PTPRT: variants seen among roughly 807,000 people sequenced by gnomAD.
PTPRT encodes the protein protein tyrosine phosphatase receptor type T, also known as receptor-type tyrosine-protein phosphatase T.
Under a neutral mutation model 176.8 loss-of-function variants are expected in PTPRT, and 56 were observed. That is an observed-to-expected ratio of 0.32 (90% CI 0.26 to 0.40). The LOEUF (loss-of-function observed/expected upper bound fraction) is 0.40. PTPRT is among the 10% of genes least tolerant of loss of function. The pLI is 1.00. For synonymous variants in PTPRT, 783 were observed against 739.0 expected (o/e 1.06, Z -0.96); for missense variants, 1,540 against 1,908.2 (o/e 0.81, Z 3.60).
intron 6 of PTPRT, among the ~76,000 whole-genome samples, chr20:42,706,179 TTGTGTGTGTGTGTG>T (rs369232610): frequency 1.1e-4 from 13 of 123,552 alleles, no homozygotes; most frequent in East Asian, 7.2e-4. Context: ...CTCTCTCTGT[TTGTGTGTGTGTGTG>T]TGTGTGTGTG....
At chr20:42,871,425 C>T (rs1428782712) in intron 2 of PTPRT, among the ~76,000 whole-genome samples, 1 of 152,016 alleles carries the variant, frequency 6.6e-6, no homozygotes, top group African/African-American at 2.4e-5. Flanking sequence ...TATTTTCTCC[C>T]ATTCCACAGG....
intron 9 of PTPRT, among the ~76,000 whole-genome samples, chr20:42,433,263 T>C (rs1476469049): frequency 6.6e-6 from 1 of 152,050 alleles, no homozygotes; most frequent in Non-Finnish European, 1.5e-5. Context: ...GTGAAAAGGA[T>C]TGGAAACTGC....
At chr20:42,383,595 G>T (rs1178176249) in intron 9 of PTPRT, among the ~76,000 whole-genome samples, 2 of 152,114 alleles carry the variant, frequency 1.3e-5, no homozygotes, top group African/African-American at 4.8e-5. Context: ...TTGATAAGTG[G>T]TAAGAACCCA....
At chr20:43,180,511 A>G (rs1292214068) in intron 1 of PTPRT, among the ~76,000 whole-genome samples, 1 of 151,556 alleles carries the variant, frequency 6.6e-6, no homozygotes, top group Non-Finnish European at 1.5e-5. Flanking sequence ...TCTCCCGGGC[A>G]GGAGTGCAAT....
chr20:42,428,240 C>T (rs987851458), intron 9 of PTPRT, among the ~76,000 whole-genome samples: 1 of 152,206 alleles, frequency 6.6e-6, no homozygotes, highest in Non-Finnish European at 1.5e-5. Flanking sequence ...GAAATGCTAC[C>T]TTGACCATAC....
Position 42,802,957 on chromosome 20 carries a change from A to G in PTPRT, c.215-11491T>C, listed in dbSNP as rs1415644197. On this transcript the variant is annotated intron_variant, in intron 2 of 30. Transcript: ENST00000373187. ...TGTTACGTGAATTAAATGTGTCTGT[A>G]TGTTACACGCTTAGAATAGTACCTG... Among the ~76,000 whole-genome samples, 9 of 152,230 alleles carry G rather than the reference A, an allele frequency of 5.9e-5. No individual in the cohort carries two copies. In the East Asian group the frequency reaches 1.7e-3, roughly 29 times the overall value.
intron 7 of PTPRT, among the ~76,000 whole-genome samples, chr20:42,664,240 A>G (rs896265343): frequency 1.3e-5 from 2 of 152,140 alleles, no homozygotes; most frequent in African/African-American, 4.8e-5. Flanking sequence ...ATGTGATTAC[A>G]TTTTAAAGTT....
At chr20:42,356,340 C>A (rs1160904182) in intron 9 of PTPRT, among the ~76,000 whole-genome samples, 1 of 152,042 alleles carries the variant, frequency 6.6e-6, no homozygotes, top group African/African-American at 2.4e-5. Flanking sequence ...AGGATGTCCC[C>A]CTTCTCTTTT....
At chr20:42,826,366 C>CA in intron 2 of PTPRT, among the ~76,000 whole-genome samples, 1 of 152,262 alleles carries the variant, frequency 6.6e-6, no homozygotes, top group Non-Finnish European at 1.5e-5. Context: ...GTCTTATTTC[C>CA]ATATAGTCAA....
chr20:42,209,583 C>T lies in PTPRT; in HGVS notation c.2343-10195G>A, dbSNP rs1446207152. 5.9e-5 allele frequency among the ~76,000 whole-genome samples: 9 copies of T among 152,044 alleles called. 1 individual carries two copies. Among genetic ancestry groups the T allele is most frequent in the Non-Finnish European group, 1.3e-4 (9 of 67,988 alleles). On this transcript the variant is annotated intron_variant, in intron 15 of 30. Coordinates refer to ENST00000373187, the MANE Select transcript of PTPRT (RefSeq NM_007050.6). ...AAATTCCTTGACACATACACTCTCC[C>T]AAGACTAAACCAGGAAGAAGTTGAA...
At chr20:43,163,088 T>C (rs570674643) in intron 1 of PTPRT, among the ~76,000 whole-genome samples, 8 of 152,284 alleles carry the variant, frequency 5.3e-5, no homozygotes, top group Admixed American at 2.0e-4. Flanking sequence ...AGAGCGGAGA[T>C]AGCTGCAAGG....
chr20:42,184,719 C>G (rs973451469), intron 16 of PTPRT, among the ~76,000 whole-genome samples: 11 of 151,032 alleles, frequency 7.3e-5, no homozygotes, highest in African/African-American at 2.7e-4. Flanking sequence ...CCTCCACCTC[C>G]TGGGTTCAAG....
chr20:42,046,276 C>T, the PTPRT span, among the ~76,000 whole-genome samples: 3 of 152,226 alleles, frequency 2.0e-5, no homozygotes, highest in African/African-American at 7.2e-5. Context: ...GTTGCCGACA[C>T]TCTTCTCCTG....
chr20:42,740,537 T>C (rs890345930), intron 6 of PTPRT, among the ~76,000 whole-genome samples: 3 of 152,114 alleles, frequency 2.0e-5, no homozygotes, highest in Admixed American at 6.5e-5. Flanking sequence ...CTATACGCAG[T>C]GATGTCCCAG....
intron 1 of PTPRT, among the ~76,000 whole-genome samples, chr20:43,070,134 A>C (rs1482979876): frequency 6.6e-6 from 1 of 152,082 alleles, no homozygotes; most frequent in East Asian, 1.9e-4. Flanking sequence ...ATCTGCTCCC[A>C]ACTCTCCAAA....
In PTPRT at chr20:42,756,466, C is replaced by A; in HGVS notation, c.855G>T (p.Val285=). The change falls in exon 6 of 31, where the codon GTG becomes GTT. Residue 285 remains valine (V), a synonymous_variant. Coordinates refer to ENST00000373187, the MANE Select transcript of PTPRT (RefSeq NM_007050.6). ...SGVSNYAELI[V]KEPPTPIAPP... The stretch of plus-strand genomic sequence containing the variant: ...GCGCAGGCTGGAGGCACTCACCTTT[C>A]ACGATCAGCTCCGCGTAGTTGGACA... The A allele has an allele frequency of 6.4e-7, 1 of 1,553,840 alleles. No homozygotes were observed. The highest frequency in any genetic ancestry group is 8.7e-7 in the Non-Finnish European group (1 of 1,145,306).
intron 11 of PTPRT, among the ~76,000 whole-genome samples, chr20:42,316,984 C>G (rs556134994): frequency 3.2e-4 from 49 of 152,324 alleles, no homozygotes; most frequent in Non-Finnish European, 5.3e-4. Flanking sequence ...TGACCTTTTA[C>G]AAAGTAGGCA....
chr20:42,604,073 G>T (rs1007892047), intron 7 of PTPRT, among the ~76,000 whole-genome samples: 5 of 152,166 alleles, frequency 3.3e-5, no homozygotes, highest in African/African-American at 1.2e-4. Context: ...CCAAGTGTCG[G>T]CAAACAGTTC....
intron 7 of PTPRT, among the ~76,000 whole-genome samples, chr20:42,530,078 C>T (rs2072354416): frequency 6.6e-6 from 1 of 152,114 alleles, no homozygotes; most frequent in East Asian, 1.9e-4. Context: ...GTTTATAAGA[C>T]TGTGGACTTG....
Sources: allele counts gnomAD v4.1 joint callset (sites outside exome capture counted in the v4.1 genomes callset), GRCh38; gene constraint gnomAD v4.1.1; transcripts MANE v1.5; gene names NCBI Gene and HGNC (gene_info 2026-07-23, HGNC 2026-07-21).